The following RGPD3 variants were observed in gnomAD, a reference collection of about 807,000 sequenced individuals.
The protein encoded by RGPD3 is ranBP2-like and GRIP domain-containing protein 3.
A neutral mutation model predicts 154.5 loss-of-function variants in RGPD3; 62 were observed. That is an observed-to-expected ratio of 0.40 (90% CI 0.33 to 0.50). The LOEUF is 0.50. Among genes scored for constraint, RGPD3 ranks in the 20% least tolerant of loss-of-function variants. RGPD3 has a pLI of 0.59. For synonymous variants in RGPD3, 308 were observed against 607.0 expected (o/e 0.51, Z 7.24); for missense variants, 919 against 1,716.8 (o/e 0.54, Z 8.21).
At chr2:106,411,275 T>G (rs1215878239) in intron 22 of RGPD3, among the ~76,000 whole-genome samples, 8 of 128,368 alleles carry the variant, frequency 6.2e-5, no homozygotes, top group South Asian at 3.0e-4. Context: ...GGTCAATCAG[T>G]CAAAAGTAAG....
intron 21 of RGPD3, among the ~76,000 whole-genome samples, chr2:106,414,979 A>G (rs1676780699): frequency 1.3e-5 from 2 of 152,162 alleles, no homozygotes; most frequent in Non-Finnish European, 1.5e-5. Context: ...AGATTAAATA[A>G]TATACGTAGA....
rs532259308 is a variant in RGPD3 at position 106,424,598 on chromosome 2, G to C, written c.3369C>G (p.Leu1123=). 1.3e-4 allele frequency: 215 copies of C among 1,611,624 alleles called. 2 individuals carry two copies. The East Asian group carries it at 4.3e-3, about 32-fold the overall frequency. ...WITTTMNLKP[L]SGSDRAWMWS... ...ACATCCATGCTCTATCTGATCCAGA[G>C]AGGGGCTTCAGGTTCATTGTAGTCG... Residue 1123 remains leucine, a synonymous_variant, in exon 20 of 23, where the codon CTC becomes CTG. Transcript: ENST00000409886.
At chr2:106,442,397 C>A in intron 7 of RGPD3, among the ~76,000 whole-genome samples, 1 of 105,008 alleles carries the variant, frequency 9.5e-6, no homozygotes, top group Middle Eastern at 4.4e-3. Context: ...GGAAATGCCA[C>A]ATTGTAGATA....
Position 106,403,633 on chromosome 2 carries a change from C to T in RGPD3, c.*1586G>A, listed in dbSNP as rs1196548645. The stretch of plus-strand genomic sequence containing the variant: ...TATATTTAAATATGATTAGTTACAT[C>T]GTATGCAGCTGGCATACTCATATTC... On this transcript the variant is annotated 3_prime_UTR_variant, in exon 23 of 23. Transcript: ENST00000409886. Among the ~76,000 whole-genome samples, 77 of 152,394 alleles carry T rather than the reference C, an allele frequency of 5.1e-4. No homozygotes were observed. The highest frequency in any genetic ancestry group is 3.4e-3 in the Middle Eastern group (1 of 294).
At chr2:106,406,736 G>A (rs1300754713) in intron 22 of RGPD3, among the ~76,000 whole-genome samples, 8 of 151,958 alleles carry the variant, frequency 5.3e-5, no homozygotes, top group African/African-American at 1.9e-4. Flanking sequence ...AGGTTTTTGT[G>A]TGAATACTGG....
In RGPD3 at chr2:106,468,333, G is replaced by A. The variant is rs769964513; in HGVS notation, c.-45C>T. ...CCGAGATGCGTGAGACCAGCGCTCA[G>A]CCCCGCAGCAGTCGCCAATTCCAAG... On this transcript the variant is annotated 5_prime_UTR_variant, in exon 1 of 23. Transcript: ENST00000409886. The A allele has an allele frequency of 1.9e-6, 3 of 1,575,538 alleles. No individual in the cohort carries two copies. The Admixed American group carries it at 5.5e-5, about 29-fold the overall frequency.
intron 17 of RGPD3, among the ~76,000 whole-genome samples, chr2:106,430,307 A>G (rs1272648042): frequency 6.7e-6 from 1 of 149,854 alleles, no homozygotes; most frequent in Admixed American, 6.7e-5. Context: ...ACAAAACTTA[A>G]TTCATTAACT....
chr2:106,422,521 A>G (rs895044015), intron 20 of RGPD3, among the ~76,000 whole-genome samples: 1 of 151,856 alleles, frequency 6.6e-6, no homozygotes, highest in Admixed American at 6.6e-5. Flanking sequence ...GCTGCTAATT[A>G]TAGGCACGCA....
chr2:106,450,663 G>A (rs1200292415), intron 6 of RGPD3, among the ~76,000 whole-genome samples: 5 of 83,100 alleles, frequency 6.0e-5, no homozygotes, highest in Admixed American at 1.9e-4. Context: ...CCGAGATTGC[G>A]CCACTGTACT....
chr2:106,462,115 T>G (rs1678423519), intron 1 of RGPD3, among the ~76,000 whole-genome samples: 1 of 152,126 alleles, frequency 6.6e-6, no homozygotes, highest in Non-Finnish European at 1.5e-5. Flanking sequence ...TCTCTCGACC[T>G]TGTAATCTGA....
chr2:106,438,253 G>C (rs1573273498), intron 9 of RGPD3, among the ~76,000 whole-genome samples: 1 of 152,196 alleles, frequency 6.6e-6, no homozygotes, highest in East Asian at 1.9e-4. Context: ...GGGGGGCTTA[G>C]GCAGGAGGAT....
At chr2:106,441,174 G>A in intron 8 of RGPD3, 119 bp downstream of exon 8, 11 of 1,464,882 alleles carry the variant, frequency 7.5e-6, no homozygotes, top group Non-Finnish European at 9.1e-6. Flanking sequence ...AACTGATACG[G>A]CGAAAAGAAA....
intron 21 of RGPD3, among the ~76,000 whole-genome samples, chr2:106,414,852 G>A (rs1485710493): frequency 1.3e-5 from 2 of 151,614 alleles, no homozygotes; most frequent in Non-Finnish European, 2.9e-5. Context: ...ACAGTGGCAG[G>A]ACAGATCTAT....
At chr2:106,405,251 A>C (rs1676475323) in intron 22 of RGPD3, 22 bp from the exon 23 acceptor site, 1 of 1,606,008 alleles carries the variant, frequency 6.2e-7, no homozygotes, top group Non-Finnish European at 8.5e-7. Context: ...AAAACAAAAA[A>C]AAAGAAAAAA....
chr2:106,468,395 G>A lies in RGPD3; in HGVS notation c.-107C>T. ...TGAAAGCCACTGAGGCAGCGGCGTA[G>A]CCGGCGGAGGACCACTGTGACGAAC... On this transcript the variant is annotated 5_prime_UTR_variant, in exon 1 of 23. Transcript: ENST00000409886. 1 of 1,535,126 alleles carries A rather than the reference G, an allele frequency of 6.5e-7. No individual in the cohort carries two copies.
chr2:106,414,478 C>A (rs186974836), intron 21 of RGPD3, among the ~76,000 whole-genome samples: 1 of 150,496 alleles, frequency 6.6e-6, no homozygotes, highest in African/African-American at 2.4e-5. Context: ...AAAAATTAGC[C>A]GGGCATGGTG....
intron 9 of RGPD3, among the ~76,000 whole-genome samples, chr2:106,438,588 C>T (rs1290299132): frequency 2.0e-5 from 3 of 151,606 alleles, no homozygotes; most frequent in Non-Finnish European, 4.4e-5. Context: ...TTGAGACCAG[C>T]CTGACCAACA....
At chr2:106,467,807 G>A (rs1190428906) in intron 1 of RGPD3, among the ~76,000 whole-genome samples, 7 of 143,226 alleles carry the variant, frequency 4.9e-5, no homozygotes, top group African/African-American at 1.9e-4. Flanking sequence ...CCAGGTCGAG[G>A]CCGCGGCCTC....
At chr2:106,446,293 A>G (rs960004927) in intron 7 of RGPD3, among the ~76,000 whole-genome samples, 2 of 147,302 alleles carry the variant, frequency 1.4e-5, no homozygotes, top group African/African-American at 5.0e-5. Context: ...AAGGCTGGGC[A>G]TGGTGGCTCA....
Sources: allele counts gnomAD v4.1 joint callset (sites outside exome capture counted in the v4.1 genomes callset), GRCh38; gene constraint gnomAD v4.1.1; transcripts MANE v1.5; gene names NCBI Gene and HGNC (gene_info 2026-07-23, HGNC 2026-07-21).